GPR137C: variants seen among roughly 807,000 people sequenced by gnomAD.
GPR137C encodes the protein integral membrane protein GPR137C.
In GPR137C, 27 loss-of-function variants were observed where a neutral mutation model predicts 43.4. The ratio of observed to expected loss-of-function variants is 0.62; its 90% CI spans 0.46 to 0.86. The LOEUF is 0.86. Ranked by LOEUF, GPR137C falls within the 40% of genes least tolerant of loss-of-function variation. The pLI is 0.00. For synonymous variants in GPR137C, 285 were observed against 226.9 expected (o/e 1.26, Z -2.30); for missense variants, 522 against 534.6 (o/e 0.98, Z 0.23).
At chr14:52,625,773 C>T (rs1423148144) in intron 3 of GPR137C, among the ~76,000 whole-genome samples, 1 of 151,648 alleles carries the variant, frequency 6.6e-6, no homozygotes, top group Non-Finnish European at 1.5e-5. Flanking sequence ...CCAGGATGGT[C>T]TCGATCTCCT....
At position 52,627,759 on chromosome 14, in the gene GPR137C, G is replaced by A. The variant is rs141058681; in HGVS notation, c.718-4401G>A. Among the ~76,000 whole-genome samples, 673 of 152,134 alleles carry A rather than the reference G, an allele frequency of 4.4e-3. 3 individuals carry two copies. Among genetic ancestry groups the A allele is most frequent in the African/African-American group, 0.016 (648 of 41,506 alleles). On this transcript the variant is annotated intron_variant, in intron 3 of 6. Coordinates refer to ENST00000321662, the MANE Select transcript of GPR137C (RefSeq NM_001099652.2). The stretch of plus-strand genomic sequence containing the variant: ...CTCAGGATCCTGAGGCAGGAGAATC[G>A]CTTGAACCTGGGAGGTGGAGGTTGC...
At chr14:52,589,200 G>C (rs1240096240) in intron 1 of GPR137C, among the ~76,000 whole-genome samples, 1 of 152,174 alleles carries the variant, frequency 6.6e-6, no homozygotes, top group East Asian at 1.9e-4. Flanking sequence ...ACAGAAAGTA[G>C]AGAGATGGCT....
rs1166425395 is a variant in GPR137C, at chr14:52,625,243, G to T, written c.718-6917G>T. On this transcript the variant is annotated intron_variant, in intron 3 of 6. Transcript: ENST00000321662. The stretch of plus-strand genomic sequence containing the variant: ...TCACACCTGTAATCCCAGGGCTTCG[G>T]GAAGCCGAGGCGGGTGGATCACAAG... Among the ~76,000 whole-genome samples the T allele has an allele frequency of 6.6e-5, 10 of 152,152 alleles. No homozygotes were observed. The East Asian group carries it at 1.6e-3, about 24-fold the overall frequency.
In GPR137C at chr14:52,635,182, C is replaced by G. The variant is rs2039339752; in HGVS notation, c.*67C>G. On this transcript the variant is annotated 3_prime_UTR_variant, in exon 7 of 7. Coordinates refer to ENST00000321662, the MANE Select transcript of GPR137C (RefSeq NM_001099652.2). ...TGTGTATATTCAATGTGTTTAAATT[C>G]CATCTACATAAACATTCCATTATCT... 1 of 1,264,964 alleles carries G rather than the reference C, an allele frequency of 7.9e-7. No homozygotes were observed. Among genetic ancestry groups the G allele is most frequent in the East Asian group, 2.6e-5 (1 of 38,388 alleles). 78.4% of individuals were successfully genotyped at this position (1,264,964 alleles called of 1,614,324 possible). A position where few individuals can be genotyped will look rare whatever the true frequency, so the allele number is the denominator to read the frequency against.
At chr14:52,586,372 A>G (rs537884464) in intron 1 of GPR137C, among the ~76,000 whole-genome samples, 2 of 152,290 alleles carry the variant, frequency 1.3e-5, no homozygotes, top group African/African-American at 4.8e-5. Context: ...CTTACTTCCT[A>G]TCAACTCCTT....
At chr14:52,613,427 C>A (rs911423220) in intron 3 of GPR137C, 4 of 152,486 alleles carry the variant, frequency 2.6e-5, no homozygotes, top group Non-Finnish European at 5.9e-5. Context: ...CCCTGTTGTG[C>A]TATCAACTAG....
chr14:52,626,266 C>T (rs923218465), intron 3 of GPR137C, among the ~76,000 whole-genome samples: 1 of 152,008 alleles, frequency 6.6e-6, no homozygotes, highest in Non-Finnish European at 1.5e-5. Context: ...AGACTAGTGT[C>T]CCTAATACTT....
intron 6 of GPR137C, 63 bp downstream of exon 6, chr14:52,634,009 A>C: frequency 1.0e-6 from 1 of 967,192 alleles, no homozygotes; most frequent in Admixed American, 1.9e-5. Context: ...AAACAAATCT[A>C]AGCTTTAACC....
intron 1 of GPR137C, among the ~76,000 whole-genome samples, chr14:52,555,607 A>G (rs1312329281): frequency 6.6e-6 from 1 of 152,224 alleles, no homozygotes; most frequent in Admixed American, 6.5e-5. Context: ...ATTCCAAGCT[A>G]GTGAGGAAGA....
chr14:52,621,996 C>G (rs1423886763), intron 3 of GPR137C, among the ~76,000 whole-genome samples: 1 of 151,676 alleles, frequency 6.6e-6, no homozygotes. Context: ...AGAAGATTGG[C>G]ATTGTTTTAC....
At chr14:52,614,208 C>A (rs1197525796) in intron 3 of GPR137C, among the ~76,000 whole-genome samples, 3 of 151,690 alleles carry the variant, frequency 2.0e-5, no homozygotes, top group Non-Finnish European at 4.4e-5. Context: ...GCAGCCTCAA[C>A]CTCCTGGGCT....
intron 1 of GPR137C, among the ~76,000 whole-genome samples, chr14:52,578,032 A>C (rs2038589932): frequency 6.6e-6 from 1 of 152,174 alleles, no homozygotes; most frequent in Non-Finnish European, 1.5e-5. Context: ...AGAGACCACT[A>C]TGAACATCTC....
intron 1 of GPR137C, among the ~76,000 whole-genome samples, chr14:52,562,083 T>C (rs1033306345): frequency 6.6e-6 from 1 of 152,168 alleles, no homozygotes; most frequent in African/African-American, 2.4e-5. Context: ...ATCTAATTTA[T>C]GTTAGAAAGC....
In GPR137C at chr14:52,632,250, A is replaced by G. The variant is rs199685518; in HGVS notation, c.808A>G (p.Ile270Val). Residue 270 changes from isoleucine to valine, a missense_variant, in exon 4 of 7, where the codon ATA becomes GTA. Physicochemically the swap from Ile to Val is conservative, Grantham distance 29. Coordinates refer to ENST00000321662, the MANE Select transcript of GPR137C (RefSeq NM_001099652.2). ...RACYNLVVVT[I>V]SQDTLESPFN... ...TTGTTATAATTTGGTGGTGGTCACC[A>G]TATCTCAGGATACATTAGAAAGTCC... is the stretch of plus-strand genomic sequence containing the variant. 23 of 1,611,090 alleles carry G rather than the reference A, an allele frequency of 1.4e-5. No individual in the cohort carries two copies. The highest frequency in any genetic ancestry group is 1.3e-4 in the East Asian group (6 of 44,844).
intron 3 of GPR137C, among the ~76,000 whole-genome samples, chr14:52,623,778 T>C (rs1222868182): frequency 6.6e-6 from 1 of 152,170 alleles, no homozygotes; most frequent in Non-Finnish European, 1.5e-5. Context: ...TTCATCTTTC[T>C]CAGCATCTTA....
At chr14:52,632,921 T>C (rs1168412449) in intron 4 of GPR137C, among the ~76,000 whole-genome samples, 5 of 152,164 alleles carry the variant, frequency 3.3e-5, no homozygotes, top group Admixed American at 3.3e-4. Flanking sequence ...CATATCTTTA[T>C]AGTAATTTAG....
chr14:52,623,255 T>G (rs942102543), intron 3 of GPR137C, among the ~76,000 whole-genome samples: 5 of 152,204 alleles, frequency 3.3e-5, no homozygotes, highest in African/African-American at 1.2e-4. Flanking sequence ...CATTTTCAGT[T>G]AAATCCTTAA....
intron 1 of GPR137C, among the ~76,000 whole-genome samples, chr14:52,595,256 T>C (rs529813368): frequency 1.3e-5 from 2 of 152,318 alleles, no homozygotes; most frequent in East Asian, 3.9e-4. Context: ...TAACATTTTT[T>C]CCTTCATTTC....
chr14:52,585,917 C>T (rs1337365944), intron 1 of GPR137C, among the ~76,000 whole-genome samples: 1 of 152,138 alleles, frequency 6.6e-6, no homozygotes, highest in Non-Finnish European at 1.5e-5. Flanking sequence ...AAAGCAGCAA[C>T]AAAAGCAATG....
Sources: gnomAD v4.1 joint callset for allele counts (sites outside exome capture counted in the v4.1 genomes callset) on GRCh38, gnomAD v4.1.1 for gene constraint, MANE v1.5 for transcripts, NCBI Gene and HGNC (gene_info 2026-07-23, HGNC 2026-07-21) for gene names.